The following ARGLU1 variants were observed in gnomAD, a reference collection of about 807,000 sequenced individuals.
ARGLU1 encodes the protein arginine and glutamate rich 1.
Under a neutral mutation model 37.6 loss-of-function variants are expected in ARGLU1, and 9 were observed. That is an observed-to-expected ratio of 0.24 (90% CI 0.14 to 0.42). ARGLU1 has a LOEUF of 0.42. Ranked by LOEUF, ARGLU1 falls within the 10% of genes least tolerant of loss-of-function variation. The probability of loss-of-function intolerance (pLI) is 1.00; values close to 1 mark genes in which losing one functional copy is unlikely to be tolerated. For missense variants in ARGLU1, 211 were observed against 359.2 expected (o/e 0.59, Z 3.34); for synonymous variants, 166 against 138.5 (o/e 1.20, Z -1.39).
At chr13:106,547,301 A>C (rs1035934037) in intron 3 of ARGLU1, among the ~76,000 whole-genome samples, 1 of 152,216 alleles carries the variant, frequency 6.6e-6, no homozygotes, top group African/African-American at 2.4e-5. Context: ...TATCAAAATT[A>C]CATCTTCGTA....
In ARGLU1 at chr13:106,547,633, T is replaced by C. The variant is rs1031714542; in HGVS notation, c.658-3473A>G. Among the ~76,000 whole-genome samples, 5 of 152,246 alleles carry C rather than the reference T, an allele frequency of 3.3e-5. No homozygotes were observed. In the East Asian group the frequency reaches 9.6e-4, roughly 29 times the overall value. On this transcript the variant is annotated intron_variant, in intron 3 of 3. Transcript: ENST00000400198. ...AAAAAAAGAAAGTTCCTTGTGTACA[T>C]GCTACTTTTGTGCAATAAAGGGAGA...
chr13:106,549,941 T>C (rs983893749), intron 3 of ARGLU1, among the ~76,000 whole-genome samples: 1 of 152,314 alleles, frequency 6.6e-6, no homozygotes. Flanking sequence ...CCTTTGGAAT[T>C]TTCTTTATAC....
intron 3 of ARGLU1, among the ~76,000 whole-genome samples, chr13:106,545,741 T>C (rs753021076): frequency 2.0e-5 from 3 of 152,230 alleles, no homozygotes; most frequent in Admixed American, 6.5e-5. Flanking sequence ...GACTAAAAGA[T>C]AGGTGTTGGA....
At chr13:106,562,361 T>A (rs928000028) in intron 1 of ARGLU1, among the ~76,000 whole-genome samples, 1 of 152,178 alleles carries the variant, frequency 6.6e-6, no homozygotes, top group Non-Finnish European at 1.5e-5. Context: ...AAGCATGAGT[T>A]CATCTTTACT....
intron 1 of ARGLU1, among the ~76,000 whole-genome samples, chr13:106,563,009 C>CAAAAAAAAAAAAAAAAAAAAAAAAAA (rs71809659): frequency 1.1e-5 from 1 of 94,402 alleles, no homozygotes. Context: ...AAAAAAAAAA[C>CAAAAAAAAAAAAAAAAAAAAAAAAAA]AAAAAAAAAA....
intron 1 of ARGLU1, among the ~76,000 whole-genome samples, chr13:106,562,702 A>T (rs1446831357): frequency 6.6e-6 from 1 of 152,118 alleles, no homozygotes; most frequent in African/African-American, 2.4e-5. Context: ...TTTTAAAAAC[A>T]CTAGTCAGGC....
chr13:106,555,671 A>T (rs1263792994), intron 3 of ARGLU1, among the ~76,000 whole-genome samples: 1 of 152,206 alleles, frequency 6.6e-6, no homozygotes, highest in Non-Finnish European at 1.5e-5. Context: ...TATTTTTTCC[A>T]GTGATCACAC....
chr13:106,557,587 C>T lies in ARGLU1; in HGVS notation c.574-456G>A. 1 of 1,608,246 alleles carries T rather than the reference C, an allele frequency of 6.2e-7. No individual in the cohort carries two copies. Among genetic ancestry groups the T allele is most frequent in the South Asian group, 1.1e-5 (1 of 89,872 alleles). On this transcript the variant is annotated intron_variant, in intron 2 of 3. Transcript: ENST00000400198. The surrounding 1 kb of genome is among the most constrained non-coding windows in gnomAD (Gnocchi z 5.0). ...CTTGTCCAGTGTCCTGCAGAGTGTG[C>T]TCCTCGGCTGCCATACGCGCCAGCT...
At chr13:106,556,323 A>C (rs896860809) in intron 3 of ARGLU1, among the ~76,000 whole-genome samples, 1 of 152,338 alleles carries the variant, frequency 6.6e-6, no homozygotes, top group South Asian at 2.1e-4. Flanking sequence ...TTCTAGCATT[A>C]TCTCTTATCC....
At chr13:106,553,893 T>C (rs563344813) in intron 3 of ARGLU1, among the ~76,000 whole-genome samples, 75 of 152,354 alleles carry the variant, frequency 4.9e-4, no homozygotes, top group African/African-American at 1.6e-3. Flanking sequence ...CTTCTTAGCA[T>C]ACATAAAGTT....
At position 106,567,914 on chromosome 13, in the gene ARGLU1, G is replaced by C; in HGVS notation, c.6C>G (p.Gly2=). Residue 2 remains glycine, a synonymous_variant, in exon 1 of 4, where the codon GGC becomes GGG. Transcript: ENST00000400198. The surrounding 1 kb of genome is among the most constrained non-coding windows in gnomAD (Gnocchi z 4.3). M[G]RSRSRSSSRS... ...GGGACGAGCTCCGGCTCCGAGACCGGCCCATCCTTCCGGGAGACGCTCTAA... is the reference window on the plus strand; with the variant it reads ...GGGACGAGCTCCGGCTCCGAGACCGCCCCATCCTTCCGGGAGACGCTCTAA... The C allele has an allele frequency of 1.2e-6, 2 of 1,607,198 alleles. No homozygotes were observed. Among genetic ancestry groups the C allele is most frequent in the Non-Finnish European group, 8.5e-7 (1 of 1,179,156 alleles).
chr13:106,563,004 A>AC (rs1880856399), intron 1 of ARGLU1, among the ~76,000 whole-genome samples: 2 of 122,638 alleles, frequency 1.6e-5, no homozygotes, highest in East Asian at 2.9e-4. Flanking sequence ...AAAAAAAAAA[A>AC]AAAACAAAAA....
intron 3 of ARGLU1, among the ~76,000 whole-genome samples, chr13:106,556,564 A>G (rs887496519): frequency 2.0e-5 from 3 of 152,082 alleles, no homozygotes; most frequent in African/African-American, 7.2e-5. Context: ...CCATCTTTCT[A>G]TATTATATAA....
intron 3 of ARGLU1, among the ~76,000 whole-genome samples, chr13:106,556,403 T>C (rs1320144961): frequency 2.0e-5 from 3 of 152,332 alleles, no homozygotes; most frequent in Admixed American, 6.5e-5. Flanking sequence ...TACATTCTTA[T>C]TAAGGTTATT....
intron 3 of ARGLU1, among the ~76,000 whole-genome samples, chr13:106,554,611 G>T (rs1594191071): frequency 6.6e-6 from 1 of 152,260 alleles, no homozygotes; most frequent in South Asian, 2.1e-4. Flanking sequence ...TCTTGGCCGG[G>T]CGCGGTAGCT....
chr13:106,561,283 G>A (rs1164775687), intron 1 of ARGLU1, among the ~76,000 whole-genome samples: 1 of 152,112 alleles, frequency 6.6e-6, no homozygotes, highest in East Asian at 1.9e-4. Flanking sequence ...CATATAAAAT[G>A]TTGTTTCTCT....
At chr13:106,560,587 A>T (rs1278243526) in intron 1 of ARGLU1, among the ~76,000 whole-genome samples, 1 of 152,190 alleles carries the variant, frequency 6.6e-6, no homozygotes, top group Non-Finnish European at 1.5e-5. Context: ...TATTTTGGAT[A>T]AAAATATACA....
At chr13:106,553,103 A>AT (rs1566472300) in intron 3 of ARGLU1, among the ~76,000 whole-genome samples, 1 of 152,182 alleles carries the variant, frequency 6.6e-6, no homozygotes, top group Non-Finnish European at 1.5e-5. Flanking sequence ...TTTCTATGTG[A>AT]TAAAAAAAAG....
chr13:106,562,600 T>C (rs781161247), intron 1 of ARGLU1, among the ~76,000 whole-genome samples: 1 of 152,166 alleles, frequency 6.6e-6, no homozygotes, highest in African/African-American at 2.4e-5. Context: ...GCCAATAATA[T>C]GTTATACTGA....
Sources: gnomAD v4.1 joint callset for allele counts (sites outside exome capture counted in the v4.1 genomes callset) on GRCh38, gnomAD v4.1.1 for gene constraint, Gnocchi (gnomAD v3.1) non-coding constraint, MANE v1.5 for transcripts, NCBI Gene and HGNC (gene_info 2026-07-23, HGNC 2026-07-21) for gene names.